Variants in AEBP2 observed in about 807,000 individuals in gnomAD.
The protein encoded by AEBP2 is AE binding protein 2, also known as zinc finger protein AEBP2.
In AEBP2, 10 loss-of-function variants were observed where a neutral mutation model predicts 50.8. The ratio of observed to expected loss-of-function variants is 0.20; its 90% CI spans 0.12 to 0.33. AEBP2 has a LOEUF of 0.33. Ranked by LOEUF, AEBP2 falls within the 10% of genes least tolerant of loss-of-function variation. The probability of loss-of-function intolerance (pLI) is 1.00; values close to 1 mark genes in which losing one functional copy is unlikely to be tolerated. For missense variants in AEBP2, 570 were observed against 688.0 expected (o/e 0.83, Z 1.92); for synonymous variants, 296 against 261.3 (o/e 1.13, Z -1.28).
At chr12:19,476,979 A>G (rs1401108505) in intron 3 of AEBP2, among the ~76,000 whole-genome samples, 1 of 152,110 alleles carries the variant, frequency 6.6e-6, no homozygotes, top group African/African-American at 2.4e-5. Context: ...GGTGTTGTCG[A>G]TGATTTCTTT....
At chr12:19,409,520 C>T (rs973498593) in intron 1 of AEBP2, among the ~76,000 whole-genome samples, 3 of 152,262 alleles carry the variant, frequency 2.0e-5, no homozygotes, top group South Asian at 4.1e-4. Flanking sequence ...ACTGTGAAAT[C>T]ACTTTGAATG....
chr12:19,412,283 T>C (rs1411498643), intron 1 of AEBP2, among the ~76,000 whole-genome samples: 1 of 152,176 alleles, frequency 6.6e-6, no homozygotes, highest in African/African-American at 2.4e-5. Flanking sequence ...TAATTTTTTT[T>C]ATCTTTTATT....
intron 1 of AEBP2, among the ~76,000 whole-genome samples, chr12:19,430,370 T>C (rs2095750787): frequency 6.6e-6 from 1 of 152,218 alleles, no homozygotes; most frequent in South Asian, 2.1e-4. Flanking sequence ...GCTGTTTTGG[T>C]TACTGTAGTC....
At chr12:19,474,932 A>G (rs1002677111) in intron 3 of AEBP2, among the ~76,000 whole-genome samples, 5 of 152,104 alleles carry the variant, frequency 3.3e-5, no homozygotes, top group Admixed American at 6.6e-5. Context: ...AGCTGGGATT[A>G]CCGGCATGCG....
chr12:19,466,919 G>A (rs908707737), intron 2 of AEBP2: 1 of 594,314 alleles, frequency 1.7e-6, no homozygotes, highest in Non-Finnish European at 2.1e-6. Flanking sequence ...TCTTTGCCCT[G>A]GGGAGAAAAG....
intron 4 of AEBP2, among the ~76,000 whole-genome samples, chr12:19,497,770 C>T (rs970390968): frequency 9.9e-5 from 15 of 152,194 alleles, no homozygotes; most frequent in Non-Finnish European, 1.8e-4. Context: ...CCGCTGTGTC[C>T]AGCACCAAAG....
At chr12:19,447,921 T>A (rs933372072) in intron 1 of AEBP2, among the ~76,000 whole-genome samples, 3 of 152,168 alleles carry the variant, frequency 2.0e-5, no homozygotes, top group African/African-American at 4.8e-5. Context: ...GGCAAGTACT[T>A]TAAATACAGT....
At chr12:19,498,199 G>A (rs1234674595) in intron 4 of AEBP2, among the ~76,000 whole-genome samples, 1 of 152,152 alleles carries the variant, frequency 6.6e-6, no homozygotes, top group Admixed American at 6.5e-5. Context: ...TTAGGAAAAA[G>A]CATATATTTG....
chr12:19,514,255 C>T (rs1395441105), intron 6 of AEBP2, among the ~76,000 whole-genome samples: 2 of 152,100 alleles, frequency 1.3e-5, no homozygotes, highest in African/African-American at 2.4e-5. Flanking sequence ...CCCCCTTGGC[C>T]TCCCAAAGTG....
chr12:19,473,652 C>T (rs1267408434), intron 3 of AEBP2, among the ~76,000 whole-genome samples: 2 of 152,150 alleles, frequency 1.3e-5, no homozygotes, highest in Non-Finnish European at 1.5e-5. Flanking sequence ...GTGATTCTCC[C>T]GCCTTGGCCA....
upstream of AEBP2, among the ~76,000 whole-genome samples, chr12:19,436,930 T>C (rs755990771): frequency 9.2e-5 from 14 of 152,080 alleles, no homozygotes; most frequent in Non-Finnish European, 1.3e-4. Context: ...CTAAAGGAGA[T>C]TGGAAAGCCT....
chr12:19,463,085 A>G (rs999702220), intron 2 of AEBP2, among the ~76,000 whole-genome samples: 1 of 152,184 alleles, frequency 6.6e-6, no homozygotes, highest in Non-Finnish European at 1.5e-5. Context: ...ATTATTCCTG[A>G]CGCTTAAATT....
chr12:19,509,715 G>A (rs961307933), intron 5 of AEBP2, among the ~76,000 whole-genome samples: 1 of 152,020 alleles, frequency 6.6e-6, no homozygotes, highest in Admixed American at 6.6e-5. Context: ...TCACTGCACT[G>A]CCTGGGTGAC....
chr12:19,442,092 G>T (rs1167944629), intron 1 of AEBP2, among the ~76,000 whole-genome samples: 1 of 152,106 alleles, frequency 6.6e-6, no homozygotes, highest in East Asian at 1.9e-4. Context: ...TATTTCCACT[G>T]AAGAGTTAAA....
intron 1 of AEBP2, among the ~76,000 whole-genome samples, chr12:19,447,021 C>T (rs1440853502): frequency 1.3e-5 from 2 of 152,160 alleles, no homozygotes; most frequent in African/African-American, 4.8e-5. Flanking sequence ...AGATTTTAGG[C>T]TTGCGTAAAT....
chr12:19,469,487 G>T (rs1948538794), intron 2 of AEBP2, among the ~76,000 whole-genome samples: 1 of 152,166 alleles, frequency 6.6e-6, no homozygotes, highest in South Asian at 2.1e-4. Context: ...CAAAGTGAAA[G>T]AACTGGATTG....
At chr12:19,499,070 T>C (rs979327821) in intron 4 of AEBP2, among the ~76,000 whole-genome samples, 6 of 152,200 alleles carry the variant, frequency 3.9e-5, no homozygotes, top group African/African-American at 1.2e-4. Flanking sequence ...AATGGCCTTA[T>C]GATTTATAAG....
intron 1 of AEBP2, chr12:19,413,570 CTT>C (rs2095740583): frequency 1.6e-6 from 1 of 641,398 alleles, no homozygotes; most frequent in Admixed American, 2.7e-5. Context: ...AAAAAATAAA[CTT>C]GTTATGCAAA....
At chr12:19,426,327 T>TC (rs2095748552) in intron 1 of AEBP2, among the ~76,000 whole-genome samples, 1 of 152,292 alleles carries the variant, frequency 6.6e-6, no homozygotes, top group Admixed American at 6.5e-5. Context: ...CATCTGTCAT[T>TC]CAACAGCACC....
Sources: gnomAD v4.1 joint callset for allele counts (sites outside exome capture counted in the v4.1 genomes callset) on GRCh38, gnomAD v4.1.1 for gene constraint, MANE v1.5 for transcripts, NCBI Gene and HGNC (gene_info 2026-07-23, HGNC 2026-07-21) for gene names.